Variants in DPP10 observed in about 807,000 individuals in gnomAD.
DPP10 encodes the protein dipeptidyl peptidase like 10.
In DPP10, 33 loss-of-function variants were observed where a neutral mutation model predicts 120.9. The observed-to-expected ratio is 0.27, with a 90% CI of 0.21 to 0.37. DPP10 has a LOEUF of 0.37. Ranked by LOEUF, DPP10 falls within the 10% of genes least tolerant of loss-of-function variation. The probability of loss-of-function intolerance (pLI) is 1.00; values close to 1 mark genes in which losing one functional copy is unlikely to be tolerated. For missense variants in DPP10, 816 were observed against 942.8 expected (o/e 0.87, Z 1.76); for synonymous variants, 337 against 326.1 (o/e 1.03, Z -0.36).
chr2:115,689,194 G>A (rs2091175045), intron 5 of DPP10, among the ~76,000 whole-genome samples: 3 of 152,234 alleles, frequency 2.0e-5, no homozygotes, highest in South Asian at 2.1e-4. Context: ...CCATACGGGG[G>A]CTTTATTATA....
chr2:115,677,583 A>G (rs1424945629), intron 5 of DPP10, among the ~76,000 whole-genome samples: 2 of 152,234 alleles, frequency 1.3e-5, no homozygotes, highest in African/African-American at 4.8e-5. Flanking sequence ...ATGGAAAAAG[A>G]TATTTCATAC....
chr2:115,794,023 C>T (rs1479561458), intron 19 of DPP10, among the ~76,000 whole-genome samples: 1 of 152,048 alleles, frequency 6.6e-6, no homozygotes, highest in Non-Finnish European at 1.5e-5. Context: ...TATTTTTTCT[C>T]AAGCTTAAAA....
chr2:115,593,250 CA>C (rs2082783660), intron 5 of DPP10, among the ~76,000 whole-genome samples: 1 of 152,114 alleles, frequency 6.6e-6, no homozygotes, highest in Non-Finnish European at 1.5e-5. Flanking sequence ...TCTAATAAAG[CA>C]TTTCTATGGA....
chr2:114,889,463 T>C lies in DPP10; in HGVS notation c.61-419776T>C, dbSNP rs188430400. ...ATATATATTGCTAATGGTAAAACTATTACATGAACCTAGCAAAATTATCAC... is the reference window on the plus strand; with the variant it reads ...ATATATATTGCTAATGGTAAAACTACTACATGAACCTAGCAAAATTATCAC... On this transcript the variant is annotated intron_variant, in intron 1 of 25. Coordinates refer to ENST00000410059, the MANE Select transcript of DPP10 (RefSeq NM_020868.6). Among the ~76,000 whole-genome samples, 9 of 145,886 alleles carry C rather than the reference T, an allele frequency of 6.2e-5. No homozygotes were observed. In the East Asian group the frequency reaches 1.6e-3, roughly 27 times the overall value.
At chr2:114,992,879 A>G (rs1700829791) in intron 1 of DPP10, among the ~76,000 whole-genome samples, 1 of 152,242 alleles carries the variant, frequency 6.6e-6, no homozygotes, top group Non-Finnish European at 1.5e-5. Flanking sequence ...TGGTATTCAC[A>G]TATGCATACG....
chr2:115,496,751 C>A (rs72959789), intron 3 of DPP10, among the ~76,000 whole-genome samples: 12,873 of 152,142 alleles, frequency 0.085, 964 homozygotes, highest in East Asian at 0.24. Flanking sequence ...ACTGCAAAAA[C>A]CAGTTCACTG....
chr2:115,775,728 G>T (rs1682020125), intron 13 of DPP10, among the ~76,000 whole-genome samples: 1 of 151,992 alleles, frequency 6.6e-6, no homozygotes, highest in African/African-American at 2.4e-5. Context: ...AACAGTATCA[G>T]AAAAGACAGT....
At chr2:115,491,968 G>A (rs80155251) in intron 3 of DPP10, among the ~76,000 whole-genome samples, 2,297 of 152,258 alleles carry the variant, frequency 0.015, 44 homozygotes, top group African/African-American at 0.052. Flanking sequence ...CCAAGGTCAA[G>A]GGCTAGTTGT....
chr2:115,290,999 G>A (rs1206686073), intron 1 of DPP10, among the ~76,000 whole-genome samples: 2 of 152,008 alleles, frequency 1.3e-5, no homozygotes, highest in African/African-American at 2.4e-5. Flanking sequence ...ATCAGGCTTT[G>A]TCCCTGAGTT....
intron 3 of DPP10, among the ~76,000 whole-genome samples, chr2:115,368,539 T>G (rs1050190037): frequency 2.0e-5 from 3 of 152,108 alleles, no homozygotes; most frequent in African/African-American, 7.2e-5. Flanking sequence ...CATATCACAC[T>G]TATCCTTAAT....
chr2:114,596,561 T>C (rs911462889), intron 1 of DPP10, among the ~76,000 whole-genome samples: 57 of 152,244 alleles, frequency 3.7e-4, no homozygotes, highest in African/African-American at 1.3e-3. Context: ...ATTTTAACTA[T>C]ATTTTTCCAT....
At chr2:115,559,219 A>G (rs542932689) in intron 5 of DPP10, among the ~76,000 whole-genome samples, 11 of 152,272 alleles carry the variant, frequency 7.2e-5, no homozygotes, top group African/African-American at 2.4e-4. Flanking sequence ...ATGTTACCCA[A>G]ATGGGATGAG....
At chr2:115,687,472 A>AGGAT (rs1269369573) in intron 5 of DPP10, among the ~76,000 whole-genome samples, 42 of 141,570 alleles carry the variant, frequency 3.0e-4, no homozygotes, top group South Asian at 7.0e-4. Flanking sequence ...CTGGCTTTGT[A>AGGAT]GGATGGATGG....
intron 1 of DPP10, among the ~76,000 whole-genome samples, chr2:114,783,190 A>T (rs1682478979): frequency 6.6e-6 from 1 of 152,148 alleles, no homozygotes; most frequent in Non-Finnish European, 1.5e-5. Flanking sequence ...TCTGTAACTC[A>T]CTTATTGGAA....
At chr2:114,462,921 T>G (rs1438536299) in intron 1 of DPP10, among the ~76,000 whole-genome samples, 1 of 152,240 alleles carries the variant, frequency 6.6e-6, no homozygotes, top group Non-Finnish European at 1.5e-5. Flanking sequence ...TGCATACTTT[T>G]AGCCTACACC....
chr2:114,988,295 T>C (rs996113506), intron 1 of DPP10, among the ~76,000 whole-genome samples: 1 of 152,210 alleles, frequency 6.6e-6, no homozygotes, highest in African/African-American at 2.4e-5. Context: ...CTACTTCTTA[T>C]TCAGTACCGA....
chr2:115,181,563 G>A (rs2054080982), intron 1 of DPP10, among the ~76,000 whole-genome samples: 1 of 152,062 alleles, frequency 6.6e-6, no homozygotes, highest in Non-Finnish European at 1.5e-5. Flanking sequence ...TCTCTTACCA[G>A]GAAGTTGCCT....
chr2:115,147,083 A>G (rs1200173515), intron 1 of DPP10, among the ~76,000 whole-genome samples: 1 of 152,062 alleles, frequency 6.6e-6, no homozygotes, highest in Non-Finnish European at 1.5e-5. Flanking sequence ...ATCTAACTAT[A>G]AAAGTCTATT....
intron 3 of DPP10, among the ~76,000 whole-genome samples, chr2:115,444,401 G>T (rs573770802): frequency 6.6e-6 from 1 of 152,268 alleles, no homozygotes; most frequent in African/African-American, 2.4e-5. Context: ...ACATAATTAA[G>T]AAAGTGAAGG....
Sources: gnomAD v4.1 joint callset for allele counts (sites outside exome capture counted in the v4.1 genomes callset) on GRCh38, gnomAD v4.1.1 for gene constraint, MANE v1.5 for transcripts, NCBI Gene and HGNC (gene_info 2026-07-23, HGNC 2026-07-21) for gene names.